The following PLCB1 variants were observed in gnomAD, a reference collection of about 807,000 sequenced individuals.
PLCB1 encodes 1-phosphatidylinositol 4,5-bisphosphate phosphodiesterase beta-1.
PLCB1 carries 46 observed loss-of-function variants against 161.8 expected under a neutral mutation model. The ratio of observed to expected loss-of-function variants is 0.28; its 90% CI spans 0.22 to 0.36. The LOEUF (loss-of-function observed/expected upper bound fraction) is 0.36. PLCB1 is among the 10% of genes least tolerant of loss of function. PLCB1 has a pLI of 1.00. For missense variants in PLCB1, 1,016 were observed against 1,472.5 expected, an observed-to-expected ratio of 0.69 and a Z score of 5.07; for synonymous variants, 517 against 503.7, an observed-to-expected ratio of 1.03 and a Z score of -0.35.
chr20:8,521,293 T>C (rs1984338457), intron 3 of PLCB1, among the ~76,000 whole-genome samples: 1 of 150,746 alleles, frequency 6.6e-6, no homozygotes, highest in African/African-American at 2.5e-5. Context: ...ACATGTGGAG[T>C]TCTGGAGATT....
intron 3 of PLCB1, among the ~76,000 whole-genome samples, chr20:8,384,152 G>A (rs6140611): frequency 2.0e-5 from 3 of 151,942 alleles, no homozygotes; most frequent in Non-Finnish European, 1.5e-5. Flanking sequence ...TCCCTGTCAC[G>A]TACTCCATTC....
At chr20:8,466,738 G>A (rs1330533065) in intron 3 of PLCB1, among the ~76,000 whole-genome samples, 1 of 151,878 alleles carries the variant, frequency 6.6e-6, no homozygotes, top group Non-Finnish European at 1.5e-5. Flanking sequence ...AAATTTTTTG[G>A]ATCTTAATTC....
rs983962625 is a variant in PLCB1 at position 8,816,081 on chromosome 20, G to C, written c.3423+25820G>C. Among the ~76,000 whole-genome samples, 28 of 152,184 alleles carry C rather than the reference G, an allele frequency of 1.8e-4. 1 individual carries two copies. Among genetic ancestry groups the C allele is most frequent in the Admixed American group, 1.5e-3 (23 of 15,280 alleles). Reference sequence around the variant, plus strand: ...AAAGATGAGATACCAGTGTATAAGAGAGCAATAAATAATTAAAAGCAAACA... The same window carrying C: ...AAAGATGAGATACCAGTGTATAAGACAGCAATAAATAATTAAAAGCAAACA... On this transcript the variant is annotated intron_variant, in intron 31 of 31. Transcript: ENST00000338037.
intron 2 of PLCB1, among the ~76,000 whole-genome samples, chr20:8,275,250 AGTGTGTGTGTGT>A (rs3031931): frequency 8.9e-5 from 13 of 145,372 alleles, no homozygotes; most frequent in East Asian, 6.1e-4. Context: ...CATCAGCGTG[AGTGTGTGTGTGT>A]GTGTGTGTGT....
Position 8,883,367 on chromosome 20 carries a change from A to G in PLCB1, c.*1518A>G, listed in dbSNP as rs1988061962. The G allele has an allele frequency of 6.6e-6, 1 of 152,090 alleles. No individual in the cohort carries two copies. The highest frequency in any genetic ancestry group is 1.5e-5 in the Non-Finnish European group (1 of 67,982). The allele number at this position is 152,090 out of a possible 1,614,324, so 9.4% of individuals were successfully genotyped here. A position where few individuals can be genotyped will look rare whatever the true frequency, so the allele number is the denominator to read the frequency against. ...AGAGAAACAAATTATATCAAGGTAA[A>G]ACTGATCAAAAGCATAATTGAAAGT... is the stretch of plus-strand genomic sequence containing the variant. On this transcript the variant is annotated 3_prime_UTR_variant, in exon 32 of 32. Transcript: ENST00000338037.
intron 11 of PLCB1, among the ~76,000 whole-genome samples, chr20:8,699,820 A>T (rs1402248314): frequency 6.6e-6 from 1 of 152,250 alleles, no homozygotes; most frequent in Non-Finnish European, 1.5e-5. Context: ...CTACAATGCA[A>T]TAATTAGAGA....
At chr20:8,299,442 C>T (rs1356146514) in intron 2 of PLCB1, among the ~76,000 whole-genome samples, 3 of 152,150 alleles carry the variant, frequency 2.0e-5, no homozygotes, top group African/African-American at 7.2e-5. Context: ...CCCAGGCACT[C>T]TCCCATTCTC....
rs1203984336 is a variant in PLCB1 at position 8,347,989 on chromosome 20, G to T, written c.178-23393G>T. ...TCCATCTCAAAAAAAAGAAAAAAAA[G>T]AAAAAGAGCCTGGCTTCTTAAGAAA... On this transcript the variant is annotated intron_variant, in intron 2 of 31. Transcript: ENST00000338037. Among the ~76,000 whole-genome samples the T allele has an allele frequency of 2.6e-5, 4 of 151,354 alleles. No individual in the cohort carries two copies. In the East Asian group the frequency reaches 7.7e-4, roughly 29 times the overall value.
intron 3 of PLCB1, among the ~76,000 whole-genome samples, chr20:8,381,643 G>A (rs1031582195): frequency 6.6e-6 from 1 of 152,154 alleles, no homozygotes; most frequent in South Asian, 2.1e-4. Context: ...TCTATTCATG[G>A]ATTTGACTTC....
intron 2 of PLCB1, among the ~76,000 whole-genome samples, chr20:8,282,716 G>A (rs558657423): frequency 1.3e-5 from 2 of 152,176 alleles, no homozygotes; most frequent in Non-Finnish European, 2.9e-5. Context: ...TTTCTTGGTT[G>A]TGGCTTTTTG....
At chr20:8,269,989 A>G (rs1982196668) in intron 2 of PLCB1, among the ~76,000 whole-genome samples, 1 of 152,086 alleles carries the variant, frequency 6.6e-6, no homozygotes, top group Non-Finnish European at 1.5e-5. Context: ...CGAGCTGAAA[A>G]GGACACTTTT....
At chr20:8,442,192 A>T (rs1258007286) in intron 3 of PLCB1, among the ~76,000 whole-genome samples, 1 of 152,188 alleles carries the variant, frequency 6.6e-6, no homozygotes, top group South Asian at 2.1e-4. Flanking sequence ...CTTCTTGGTT[A>T]TCTTAGTCCA....
chr20:8,661,586 T>C (rs767866701), intron 9 of PLCB1, among the ~76,000 whole-genome samples: 5 of 152,012 alleles, frequency 3.3e-5, no homozygotes, highest in Non-Finnish European at 5.9e-5. Flanking sequence ...ACAAAGACCT[T>C]AGTAGGGTCA....
intron 2 of PLCB1, among the ~76,000 whole-genome samples, chr20:8,253,997 A>G (rs1016842540): frequency 5.3e-5 from 8 of 151,956 alleles, no homozygotes; most frequent in Non-Finnish European, 1.0e-4. Flanking sequence ...TACATATACC[A>G]CATTTTCTTT....
intron 3 of PLCB1, among the ~76,000 whole-genome samples, chr20:8,464,651 A>G (rs1981731044): frequency 1.3e-5 from 2 of 152,228 alleles, no homozygotes; most frequent in Admixed American, 6.5e-5. Context: ...CATGTCTTAT[A>G]TAATCATAGC....
At chr20:8,663,208 G>T (rs1989729021) in intron 9 of PLCB1, among the ~76,000 whole-genome samples, 2 of 151,322 alleles carry the variant, frequency 1.3e-5, no homozygotes, top group South Asian at 4.2e-4. Flanking sequence ...ACACAACATA[G>T]ATATACACAC....
At chr20:8,845,080 C>G (rs1456523244) in intron 31 of PLCB1, among the ~76,000 whole-genome samples, 1 of 152,104 alleles carries the variant, frequency 6.6e-6, no homozygotes, top group East Asian at 1.9e-4. Context: ...CGCCACTGCA[C>G]TCCAACCTGG....
intron 3 of PLCB1, among the ~76,000 whole-genome samples, chr20:8,498,549 C>T (rs964226730): frequency 1.1e-4 from 17 of 152,164 alleles, no homozygotes; most frequent in Non-Finnish European, 1.6e-4. Context: ...GCCCTGTCCC[C>T]TTGGGGATCA....
chr20:8,268,602 A>G (rs1982105962), intron 2 of PLCB1, among the ~76,000 whole-genome samples: 1 of 152,146 alleles, frequency 6.6e-6, no homozygotes, highest in Non-Finnish European at 1.5e-5. Context: ...AAGTGTTCCT[A>G]TTTCTCCACA....
Sources: gnomAD v4.1 joint callset for allele counts (sites outside exome capture counted in the v4.1 genomes callset) on GRCh38, gnomAD v4.1.1 for gene constraint, MANE v1.5 for transcripts, NCBI Gene and HGNC (gene_info 2026-07-23, HGNC 2026-07-21) for gene names.